SYN2: variants seen among roughly 807,000 people sequenced by gnomAD.
The protein encoded by SYN2 is synapsin II, also known as synapsin-2.
SYN2 carries 19 observed loss-of-function variants against 50.9 expected under a neutral mutation model. The ratio of observed to expected loss-of-function variants is 0.37; its 90% CI spans 0.26 to 0.55. The LOEUF is 0.55. Ranked by LOEUF, SYN2 falls within the 20% of genes least tolerant of loss-of-function variation. The pLI, the probability that SYN2 is intolerant of heterozygous loss-of-function variation, is 0.81. For missense variants in SYN2, 587 were observed against 576.4 expected, an observed-to-expected ratio of 1.02 and a Z score of -0.19; for synonymous variants, 255 against 224.9, an observed-to-expected ratio of 1.13 and a Z score of -1.20.
At chr3:12,059,643 A>T (rs1695072422) in intron 1 of SYN2, among the ~76,000 whole-genome samples, 1 of 152,074 alleles carries the variant, frequency 6.6e-6, no homozygotes, top group Admixed American at 6.6e-5. Context: ...TCTACAGGGG[A>T]ATCAAACATC....
chr3:12,104,089 A>G (rs900713879), intron 1 of SYN2, among the ~76,000 whole-genome samples: 4 of 152,218 alleles, frequency 2.6e-5, no homozygotes, highest in Non-Finnish European at 2.9e-5. Context: ...AAAGAATGCT[A>G]GAGTAGTTAC....
intron 1 of SYN2, among the ~76,000 whole-genome samples, chr3:12,008,942 A>G (rs537026000): frequency 4.5e-4 from 68 of 152,258 alleles, no homozygotes; most frequent in African/African-American, 1.5e-3. Flanking sequence ...ACCTGTCTCC[A>G]TTCTTTTCTA....
intron 1 of SYN2, among the ~76,000 whole-genome samples, chr3:12,081,843 GTAT>G (rs1695592578): frequency 6.6e-6 from 1 of 152,052 alleles, no homozygotes; most frequent in South Asian, 2.1e-4. Context: ...CCCAACTCAA[GTAT>G]TATTTCCTCT....
intron 5 of SYN2, among the ~76,000 whole-genome samples, chr3:12,156,358 A>G (rs1390523368): frequency 1.3e-5 from 2 of 152,304 alleles, no homozygotes; most frequent in African/African-American, 4.8e-5. Context: ...TAACTGTTCT[A>G]TCCCAGCCAA....
chr3:12,158,701 C>G, intron 5 of SYN2: 2 of 1,610,328 alleles, frequency 1.2e-6, no homozygotes, highest in Non-Finnish European at 1.7e-6. Context: ...CTCGGACTCA[C>G]CAAGTGCCGA....
At chr3:12,082,691 C>A (rs1429916198) in intron 1 of SYN2, among the ~76,000 whole-genome samples, 3 of 152,132 alleles carry the variant, frequency 2.0e-5, no homozygotes, top group East Asian at 3.9e-4. Flanking sequence ...CACTGTTATT[C>A]AAATCTGGGG....
At chr3:12,097,037 G>A (rs1018281279) in intron 1 of SYN2, among the ~76,000 whole-genome samples, 6 of 152,168 alleles carry the variant, frequency 3.9e-5, no homozygotes, top group African/African-American at 9.7e-5. Context: ...TCATCCAGAG[G>A]TGGAGAAATA....
chr3:12,108,959 T>TA (rs1696260332), intron 1 of SYN2, among the ~76,000 whole-genome samples: 1 of 152,152 alleles, frequency 6.6e-6, no homozygotes. Context: ...AATGTGGTCA[T>TA]AAAGACTGAA....
intron 1 of SYN2, among the ~76,000 whole-genome samples, chr3:12,026,829 C>A (rs1274852599): frequency 6.6e-6 from 1 of 152,196 alleles, no homozygotes; most frequent in African/African-American, 2.4e-5. Flanking sequence ...TAATCTGCAA[C>A]TGCATGTTAA....
At chr3:12,057,282 A>ACTGT (rs1553611277) in intron 1 of SYN2, among the ~76,000 whole-genome samples, 13,476 of 48,000 alleles carry the variant, frequency 0.28, 871 homozygotes, top group South Asian at 0.39. Context: ...ACAAGGCAAG[A>ACTGT]CTGTCTGTGT....
intron 10 of SYN2, among the ~76,000 whole-genome samples, chr3:12,182,925 A>G (rs1230559544): frequency 6.6e-6 from 1 of 152,220 alleles, no homozygotes; most frequent in Non-Finnish European, 1.5e-5. Context: ...TTTCCTTTAG[A>G]CAGCCAGGCC....
At chr3:12,080,171 T>C (rs1695556060) in intron 1 of SYN2, among the ~76,000 whole-genome samples, 1 of 152,104 alleles carries the variant, frequency 6.6e-6, no homozygotes, top group Admixed American at 6.6e-5. Context: ...TTTTTTATTG[T>C]CTATTTGATT....
intron 10 of SYN2, among the ~76,000 whole-genome samples, chr3:12,172,730 T>G (rs964607915): frequency 3.9e-5 from 6 of 152,170 alleles, no homozygotes; most frequent in African/African-American, 1.4e-4. Flanking sequence ...GAGGTCAGAA[T>G]AATACCATGT....
chr3:12,112,544 A>T (rs930762676), intron 1 of SYN2, among the ~76,000 whole-genome samples: 3 of 152,138 alleles, frequency 2.0e-5, no homozygotes, highest in African/African-American at 7.2e-5. Flanking sequence ...AAGTACTAAG[A>T]ATCTCTCACA....
intron 10 of SYN2, among the ~76,000 whole-genome samples, chr3:12,182,436 CA>C (rs1698242826): frequency 6.6e-6 from 1 of 152,220 alleles, no homozygotes; most frequent in South Asian, 2.1e-4. Flanking sequence ...GCCTCTAATA[CA>C]AGCATTAGAC....
intron 1 of SYN2, among the ~76,000 whole-genome samples, chr3:12,007,021 A>C (rs1693815919): frequency 6.6e-6 from 1 of 152,214 alleles, no homozygotes; most frequent in South Asian, 2.1e-4. Context: ...TCTTATTGCC[A>C]GTTAGGTATC....
chr3:12,007,748 A>T (rs1187315893), intron 1 of SYN2, among the ~76,000 whole-genome samples: 1 of 152,250 alleles, frequency 6.6e-6, no homozygotes, highest in African/African-American at 2.4e-5. Context: ...GCTTAAAATA[A>T]GCAGCCTCTC....
At chr3:12,150,255 C>A (rs73813136) in intron 4 of SYN2, among the ~76,000 whole-genome samples, 1 of 152,168 alleles carries the variant, frequency 6.6e-6, no homozygotes, top group African/African-American at 2.4e-5. Flanking sequence ...AGATGTGTTT[C>A]CTCTGCTGCT....
chr3:12,148,834 G>C (rs1697213430), intron 4 of SYN2: 1 of 152,142 alleles, frequency 6.6e-6, no homozygotes, highest in Non-Finnish European at 1.5e-5. Flanking sequence ...TTGATTCATT[G>C]GATGAGTGGC....
Sources: allele counts gnomAD v4.1 joint callset (sites outside exome capture counted in the v4.1 genomes callset), GRCh38; gene constraint gnomAD v4.1.1; transcripts MANE v1.5; gene names NCBI Gene and HGNC (gene_info 2026-07-23, HGNC 2026-07-21).